Variants in TBC1D19 observed in about 807,000 individuals in gnomAD.
TBC1D19 encodes the protein TBC1 domain family, member 19.
A neutral mutation model predicts 89.0 loss-of-function variants in TBC1D19; 60 were observed. The observed-to-expected ratio is 0.67, with a 90% confidence interval of 0.55 to 0.84. The LOEUF is 0.84. TBC1D19 is among the 40% of genes least tolerant of loss of function. The pLI, the probability that TBC1D19 is intolerant of heterozygous loss-of-function variation, is 0.00. For missense variants in TBC1D19, 500 were observed against 610.8 expected, an observed-to-expected ratio of 0.82 and a Z score of 1.91; for synonymous variants, 189 against 199.7, an observed-to-expected ratio of 0.95 and a Z score of 0.45.
the TBC1D19 span, among the ~76,000 whole-genome samples, chr4:26,774,322 C>T: frequency 6.6e-6 from 1 of 152,246 alleles, no homozygotes; most frequent in Non-Finnish European, 1.5e-5. Flanking sequence ...GGCAGATCAG[C>T]ACTCTCTTAG....
chr4:26,675,921 A>G (rs1347682358), intron 11 of TBC1D19, among the ~76,000 whole-genome samples: 1 of 152,198 alleles, frequency 6.6e-6, no homozygotes, highest in East Asian at 1.9e-4. Flanking sequence ...TTTAAAGAAA[A>G]TCTATGATAG....
the TBC1D19 span, among the ~76,000 whole-genome samples, chr4:26,803,663 A>G: frequency 2.0e-5 from 3 of 152,148 alleles, no homozygotes; most frequent in Non-Finnish European, 4.4e-5. Flanking sequence ...TCTCATGCCC[A>G]TTTGTGGCAA....
chr4:26,745,238 G>A (rs1023815935), intron 18 of TBC1D19, among the ~76,000 whole-genome samples: 2 of 151,678 alleles, frequency 1.3e-5, no homozygotes, highest in African/African-American at 2.4e-5. Context: ...CTTATCGAAA[G>A]TTGGGTCTTC....
the TBC1D19 span, among the ~76,000 whole-genome samples, chr4:26,830,946 A>T: frequency 6.6e-6 from 1 of 152,154 alleles, no homozygotes; most frequent in South Asian, 2.1e-4. Flanking sequence ...TGAGGAGAGG[A>T]TATTTAGATC....
intron 13 of TBC1D19, among the ~76,000 whole-genome samples, chr4:26,692,013 A>G (rs1714333817): frequency 6.6e-6 from 1 of 152,212 alleles, no homozygotes; most frequent in Non-Finnish European, 1.5e-5. Flanking sequence ...AAAGTCATCA[A>G]AGAAGAAAAC....
chr4:26,721,122 T>G (rs1716946366), intron 15 of TBC1D19, among the ~76,000 whole-genome samples: 1 of 151,982 alleles, frequency 6.6e-6, no homozygotes, highest in African/African-American at 2.4e-5. Context: ...TACTTTTATC[T>G]AGGGGCTGCC....
chr4:26,814,467 A>G, the TBC1D19 span, among the ~76,000 whole-genome samples: 4 of 152,148 alleles, frequency 2.6e-5, no homozygotes, highest in South Asian at 6.2e-4. Flanking sequence ...ACAATGCCCT[A>G]CTCTGAGATC....
the TBC1D19 span, among the ~76,000 whole-genome samples, chr4:26,783,565 T>TG: frequency 6.8e-6 from 1 of 147,336 alleles, no homozygotes; most frequent in African/African-American, 2.7e-5. Context: ...AGCACATTTT[T>TG]TAAAAAAAAG....
At chr4:26,590,675 A>G (rs1406237234) in intron 1 of TBC1D19, among the ~76,000 whole-genome samples, 1 of 152,032 alleles carries the variant, frequency 6.6e-6, no homozygotes, top group Non-Finnish European at 1.5e-5. Flanking sequence ...CACAATTTTC[A>G]TCTATTATTA....
intron 1 of TBC1D19, among the ~76,000 whole-genome samples, chr4:26,588,293 G>A (rs934388312): frequency 8.5e-5 from 13 of 152,194 alleles, no homozygotes; most frequent in African/African-American, 2.9e-4. Context: ...CTAAAGGGCT[G>A]GGATTAAAGG....
chr4:26,770,430 A>G, the TBC1D19 span, among the ~76,000 whole-genome samples: 17 of 152,254 alleles, frequency 1.1e-4, no homozygotes, highest in African/African-American at 3.8e-4. Flanking sequence ...AAGGAAAAAC[A>G]GACAAGTCTA....
Position 26,666,366 on chromosome 4 carries a change from G to A in TBC1D19, c.625G>A (p.Gly209Arg), listed in dbSNP as rs1355250730. ...ECFVELGLNI[G>R]QLGIDDSTQV... is the part of the protein sequence containing the mutation. Reference sequence around the variant, plus strand: ...CTTTGTGGAACTTGGCTTAAATATAGGACAACTGGGTATAGATGATTCTAC... The same window carrying A: ...CTTTGTGGAACTTGGCTTAAATATAAGACAACTGGGTATAGATGATTCTAC... The change falls in exon 9 of 21, where the codon GGA becomes AGA. Residue 209 changes from glycine to arginine, a missense_variant. Physicochemically the swap from Gly to Arg is moderately radical, Grantham distance 125. Coordinates refer to ENST00000264866, the MANE Select transcript of TBC1D19 (RefSeq NM_018317.4). 2.5e-6 allele frequency: 4 copies of A among 1,610,802 alleles called. No homozygotes were observed. Among genetic ancestry groups the A allele is most frequent in the South Asian group, 1.1e-5 (1 of 90,632 alleles).
At chr4:26,710,803 GT>G (rs1282353871) in intron 13 of TBC1D19, among the ~76,000 whole-genome samples, 1 of 152,126 alleles carries the variant, frequency 6.6e-6, no homozygotes, top group African/African-American at 2.4e-5. Flanking sequence ...TTTTTCATGT[GT>G]GTTTTGGCTG....
At chr4:26,839,752 G>A in the TBC1D19 span, among the ~76,000 whole-genome samples, 3 of 152,168 alleles carry the variant, frequency 2.0e-5, no homozygotes, top group South Asian at 6.2e-4. Flanking sequence ...CAGATCCAAT[G>A]ACCTATTTTT....
chr4:26,774,347 C>T, the TBC1D19 span, among the ~76,000 whole-genome samples: 70 of 152,354 alleles, frequency 4.6e-4, no homozygotes, highest in Admixed American at 1.4e-3. Context: ...GTTTTTGACA[C>T]GTGATTATAG....
chr4:26,691,044 A>G (rs942591725), intron 13 of TBC1D19, among the ~76,000 whole-genome samples: 1 of 152,200 alleles, frequency 6.6e-6, no homozygotes, highest in Non-Finnish European at 1.5e-5. Flanking sequence ...AGGAGTTTGG[A>G]AGAAGTTGAT....
intron 7 of TBC1D19, among the ~76,000 whole-genome samples, chr4:26,655,666 C>T (rs749156097): frequency 1.3e-5 from 2 of 152,216 alleles, no homozygotes; most frequent in Non-Finnish European, 2.9e-5. Context: ...TAGGACCCTC[C>T]GAGCCAGGCA....
intron 11 of TBC1D19, among the ~76,000 whole-genome samples, chr4:26,675,257 T>C (rs2109116845): frequency 6.6e-6 from 1 of 152,172 alleles, no homozygotes; most frequent in Non-Finnish European, 1.5e-5. Flanking sequence ...ATCACTGCGA[T>C]TTCTAAAACA....
At chr4:26,661,475 G>A (rs567610602) in intron 8 of TBC1D19, among the ~76,000 whole-genome samples, 3 of 152,180 alleles carry the variant, frequency 2.0e-5, no homozygotes, top group East Asian at 1.9e-4. Flanking sequence ...GACCCTTGCC[G>A]ACAGAGCTTC....
Sources: allele counts gnomAD v4.1 joint callset (sites outside exome capture counted in the v4.1 genomes callset), GRCh38; gene constraint gnomAD v4.1.1; transcripts MANE v1.5; gene names NCBI Gene and HGNC (gene_info 2026-07-23, HGNC 2026-07-21).